Variants in GRIN2A observed in about 807,000 individuals in gnomAD.
GRIN2A encodes glutamate ionotropic receptor NMDA type subunit 2A.
A neutral mutation model predicts 113.4 loss-of-function variants in GRIN2A; 22 were observed. The ratio of observed to expected loss-of-function variants is 0.19; its 90% CI spans 0.14 to 0.28. The LOEUF is 0.28. Ranked by LOEUF, GRIN2A falls within the 10% of genes least tolerant of loss-of-function variation. The pLI is 1.00. For synonymous variants in GRIN2A, 827 were observed against 738.4 expected (o/e 1.12, Z -1.94); for missense variants, 1,502 against 1,887.0 (o/e 0.80, Z 3.78).
chr16:9,933,701 T>C (rs2044649356), intron 3 of GRIN2A, among the ~76,000 whole-genome samples: 2 of 152,254 alleles, frequency 1.3e-5, no homozygotes, highest in South Asian at 4.1e-4. Flanking sequence ...GTCTGTTCTC[T>C]GCTTTCAGCT....
At chr16:9,811,624 G>C (rs2042088755) in intron 10 of GRIN2A, among the ~76,000 whole-genome samples, 1 of 152,164 alleles carries the variant, frequency 6.6e-6, no homozygotes, top group Non-Finnish European at 1.5e-5. Context: ...GCCAGACATG[G>C]TGGTGCACAT....
At chr16:9,890,813 A>G (rs1049232431) in intron 4 of GRIN2A, among the ~76,000 whole-genome samples, 173 bp downstream of exon 4, 2 of 152,176 alleles carry the variant, frequency 1.3e-5, no homozygotes, top group Non-Finnish European at 1.5e-5. Flanking sequence ...AAGCATTCCA[A>G]TTGCACCTTA....
intron 2 of GRIN2A, among the ~76,000 whole-genome samples, chr16:10,006,275 C>A (rs929116114): frequency 2.6e-5 from 4 of 152,114 alleles, no homozygotes; most frequent in African/African-American, 9.7e-5. Flanking sequence ...AGTTTTTTTA[C>A]AATGCAACTT....
intron 5 of GRIN2A, among the ~76,000 whole-genome samples, chr16:9,843,046 AAGAG>A (rs971200024): frequency 6.7e-5 from 10 of 149,338 alleles, no homozygotes; most frequent in Admixed American, 1.3e-4. Flanking sequence ...GAAAGAAAGA[AAGAG>A]AGAGAGAGAA....
intron 2 of GRIN2A, among the ~76,000 whole-genome samples, chr16:9,945,774 AG>A (rs1178876241): frequency 1.3e-5 from 2 of 152,228 alleles, no homozygotes; most frequent in African/African-American, 4.8e-5. Context: ...TGGAATAAAA[AG>A]GAGTCTTTCA....
chr16:9,969,229 C>A (rs4780746), intron 2 of GRIN2A, among the ~76,000 whole-genome samples: 1 of 151,798 alleles, frequency 6.6e-6, no homozygotes, highest in Non-Finnish European at 1.5e-5. Context: ...TTGGTGTTAC[C>A]GAATCTTTCC....
At chr16:10,134,858 A>G (rs866088190) in intron 2 of GRIN2A, among the ~76,000 whole-genome samples, 2 of 152,196 alleles carry the variant, frequency 1.3e-5, no homozygotes, top group African/African-American at 4.8e-5. Context: ...GCCAAGGGGT[A>G]CATGAGTCTC....
chr16:10,096,688 T>A (rs1438485927), intron 2 of GRIN2A, among the ~76,000 whole-genome samples: 1 of 152,098 alleles, frequency 6.6e-6, no homozygotes, highest in Non-Finnish European at 1.5e-5. Context: ...ACTCCACTGT[T>A]CTAACTATCA....
At chr16:9,775,718 A>G (rs1901554241) in intron 11 of GRIN2A, among the ~76,000 whole-genome samples, 1 of 152,220 alleles carries the variant, frequency 6.6e-6, no homozygotes, top group Non-Finnish European at 1.5e-5. Flanking sequence ...GGGAACAGCA[A>G]GGCCGTCAGA....
rs1567266287 is a variant in GRIN2A at position 10,055,046 on chromosome 16, T to TAAAAAAAAAAAAAAAA, written c.415-116496_415-116495insTTTTTTTTTTTTTTTT. On this transcript the variant is annotated intron_variant, in intron 2 of 12. Transcript: ENST00000330684. ...CCAGGCAACAGAGCGAGACTCTATC[T>TAAAAAAAAAAAAAAAA]CAAAAAAAAAAAAAAAAAAAAAAAA... Among the ~76,000 whole-genome samples the TAAAAAAAAAAAAAAAA allele has an allele frequency of 4.0e-4, 5 of 12,488 alleles. 1 individual carries two copies. The highest frequency in any genetic ancestry group is 6.7e-4 in the Non-Finnish European group (5 of 7,466). The allele number at this position is 12,488 out of a possible 152,430, so 8.2% of individuals were successfully genotyped here.
chr16:9,892,040 C>T (rs2043704863), intron 3 of GRIN2A, among the ~76,000 whole-genome samples: 1 of 152,000 alleles, frequency 6.6e-6, no homozygotes, highest in Non-Finnish European at 1.5e-5. Flanking sequence ...ACCAGCCTGA[C>T]CAACATGGAG....
At chr16:9,960,522 G>A (rs781156798) in intron 2 of GRIN2A, among the ~76,000 whole-genome samples, 19 of 152,178 alleles carry the variant, frequency 1.2e-4, no homozygotes, top group African/African-American at 3.6e-4. Context: ...AGGCAGCCTA[G>A]GTAGGTAGGG....
At chr16:9,906,246 C>A (rs777029818) in intron 3 of GRIN2A, among the ~76,000 whole-genome samples, 5 of 152,214 alleles carry the variant, frequency 3.3e-5, no homozygotes, top group Non-Finnish European at 5.9e-5. Flanking sequence ...ATCCATGCTC[C>A]TTGGCAACTT....
chr16:10,160,458 G>A (rs769341240), intron 2 of GRIN2A, among the ~76,000 whole-genome samples: 6 of 152,188 alleles, frequency 3.9e-5, no homozygotes, highest in African/African-American at 1.2e-4. Flanking sequence ...TAGGAACCAC[G>A]ATATGGCAGC....
rs927869517 is a variant in GRIN2A, at chr16:9,834,071, C to T, written c.1777+34G>A. On this transcript the variant is annotated intron_variant, in intron 8 of 12. Coordinates refer to ENST00000330684, the MANE Select transcript of GRIN2A (RefSeq NM_001134407.3). ...TCATTAAAGGTAAATGAAATTGCAA[C>T]AACATTGAATCATGCTCATGAAGGT... 1.9e-6 allele frequency: 3 copies of T among 1,607,598 alleles called. No individual in the cohort carries two copies. The African/African-American group carries it at 4.0e-5, about 21-fold the overall frequency.
chr16:10,160,975 A>G (rs560741372), intron 2 of GRIN2A, among the ~76,000 whole-genome samples: 1 of 152,352 alleles, frequency 6.6e-6, no homozygotes, highest in Non-Finnish European at 1.5e-5. Flanking sequence ...CACACAGCCC[A>G]GCAGAACACA....
At position 10,180,853 on chromosome 16, in the gene GRIN2A, ACCAAGTTATCAACCCCGCCCCC is replaced by A; in HGVS notation, c.-18-446_-18-425del. The A allele has an allele frequency of 4.6e-6, 1 of 217,114 alleles. No homozygotes were observed. The highest frequency in any genetic ancestry group is 8.0e-5 in the South Asian group (1 of 12,478). 13.4% of individuals were successfully genotyped at this position (217,114 alleles called of 1,614,324 possible). A position where few individuals can be genotyped will look rare whatever the true frequency, so the allele number is the denominator to read the frequency against. ...ACCCCTCCCACCTGGGATAGAGAGG[ACCAAGTTATCAACCCCGCCCCC>A]TGCTGGCGCGGAGCGAACTACAGAC... On this transcript the variant is annotated intron_variant, in intron 1 of 12. Coordinates refer to ENST00000330684, the MANE Select transcript of GRIN2A (RefSeq NM_001134407.3). This position sits in a 1 kb window ranked among gnomAD's most constrained non-coding sequence, Gnocchi z 7.0.
intron 2 of GRIN2A, among the ~76,000 whole-genome samples, chr16:10,011,145 T>G (rs1259614507): frequency 2.0e-5 from 3 of 152,202 alleles, no homozygotes. Context: ...AGTTTGAAAT[T>G]ACACGGTAAT....
Position 9,763,645 on chromosome 16 carries a change from CTAGGTTTGTCGACAATGT to C in GRIN2A, c.3881_3898del (p.Asn1294_Pro1299del). On this transcript the variant is annotated inframe_deletion, in exon 13 of 13. Coordinates refer to ENST00000330684, the MANE Select transcript of GRIN2A (RefSeq NM_001134407.3). ...GGAGGGCCTGCTAAGGTCTAGCTCC[CTAGGTTTGTCGACAATGT>C]TATCGTAGGAATGCTGACGGCTAAT... is the stretch of plus-strand genomic sequence containing the variant. The C allele has an allele frequency of 6.2e-7, 1 of 1,613,316 alleles. No homozygotes were observed. The highest frequency in any genetic ancestry group is 1.1e-5 in the South Asian group (1 of 91,066).
Sources: gnomAD v4.1 joint callset for allele counts (sites outside exome capture counted in the v4.1 genomes callset) on GRCh38, gnomAD v4.1.1 for gene constraint, Gnocchi (gnomAD v3.1) non-coding constraint, MANE v1.5 for transcripts, NCBI Gene and HGNC (gene_info 2026-07-23, HGNC 2026-07-21) for gene names.